The following DNAI3 variants were observed in gnomAD, a reference collection of about 807,000 sequenced individuals.
DNAI3 encodes WD repeat domain 63.
Under a neutral mutation model 115.5 loss-of-function variants are expected in DNAI3, and 83 were observed. The ratio of observed to expected loss-of-function variants is 0.72; its 90% CI spans 0.60 to 0.86. The LOEUF (loss-of-function observed/expected upper bound fraction) is 0.86. DNAI3 is among the 40% of genes least tolerant of loss of function. DNAI3 has a pLI of 0.00. For missense variants in DNAI3, 1,004 were observed against 1,075.8 expected (o/e 0.93, Z 0.93); for synonymous variants, 320 against 347.0 (o/e 0.92, Z 0.86).
Position 85,132,878 on chromosome 1 carries a change from A to T in DNAI3, c.2556A>T (p.Glu852Asp). ...KKVKTYQKSK[E>D]QMQAELKMDY... ...AGAAAACATATCAGAAGTCAAAAGAACAAATGCAGGCTGAATTAAAAATGG... is the reference window on the plus strand; with the variant it reads ...AGAAAACATATCAGAAGTCAAAAGATCAAATGCAGGCTGAATTAAAAATGG... Residue 852 changes from glutamate to aspartate, a missense_variant, in exon 23 of 23, where the codon GAA becomes GAT. Transcript: ENST00000294664. The T allele has an allele frequency of 6.2e-7, 1 of 1,613,848 alleles. No homozygotes were observed. The highest frequency in any genetic ancestry group is 8.5e-7 in the Non-Finnish European group (1 of 1,179,870).
Position 85,124,128 on chromosome 1 carries a change from G to C in DNAI3, c.1989G>C (p.Lys663Asn). Residue 663 changes from lysine to asparagine, a missense_variant, in exon 19 of 23, where the codon AAG (lysine) becomes AAC (asparagine). Physicochemically the swap from Lys to Asn is moderately conservative, Grantham distance 94. This residue lies in a region of DNAI3 where 429 missense variants were observed against 454.3 expected (regional missense o/e 0.94). Coordinates refer to ENST00000294664, the MANE Select transcript of DNAI3 (RefSeq NM_145172.5). ...DPETGRLMSK[K>N]PVSHHTIHDG... ...CTTCTTTCACTCCAATAGCAAAGAAGCCAGTGAGCCACCACACCATTCACG... is the reference window on the plus strand; with the variant it reads ...CTTCTTTCACTCCAATAGCAAAGAACCCAGTGAGCCACCACACCATTCACG... 6.2e-7 allele frequency: 1 copy of C among 1,614,110 alleles called. No homozygotes were observed. Among genetic ancestry groups the C allele is most frequent in the Non-Finnish European group, 8.5e-7 (1 of 1,180,002 alleles).
At position 85,121,749 on chromosome 1, in the gene DNAI3, A is replaced by G. The variant is rs1291707152; in HGVS notation, c.1918-2A>G. The G allele has an allele frequency of 1.9e-6, 3 of 1,613,924 alleles. No homozygotes were observed. The highest frequency in any genetic ancestry group is 2.5e-6 in the Non-Finnish European group (3 of 1,179,930). ...CTCATCAGGAACCTGTAATATTTTT[A>G]GGAAGGCGAAGTGATATACACAGAT... is the stretch of plus-strand genomic sequence containing the variant. On this transcript the variant is annotated splice_acceptor_variant, in intron 17 of 22. Transcript: ENST00000294664. LOFTEE classifies it high-confidence loss of function.
intron 7 of DNAI3, among the ~76,000 whole-genome samples, chr1:85,089,092 A>C (rs1654886633): frequency 6.6e-6 from 1 of 152,176 alleles, no homozygotes; most frequent in African/African-American, 2.4e-5. Context: ...TTGTTCAACA[A>C]ACACAAATAC....
At chr1:85,091,081 A>C (rs1455126849) in intron 8 of DNAI3, among the ~76,000 whole-genome samples, 1 of 152,208 alleles carries the variant, frequency 6.6e-6, no homozygotes, top group Non-Finnish European at 1.5e-5. Context: ...TCAGTTAATG[A>C]TTCAGAGAGA....
chr1:85,071,823 AG>A, intron 1 of DNAI3, 104 bp from the exon 2 acceptor site: 1 of 1,178,316 alleles, frequency 8.5e-7, no homozygotes, highest in Non-Finnish European at 1.2e-6. Context: ...GGTAAATCTT[AG>A]AAAACATATT....
intron 14 of DNAI3, among the ~76,000 whole-genome samples, 160 bp from the exon 15 acceptor site, chr1:85,107,873 A>G (rs1655536643): frequency 6.6e-6 from 1 of 152,226 alleles, no homozygotes; most frequent in Admixed American, 6.5e-5. Context: ...ATTCTCTAAA[A>G]TATAAAGTAC....
At chr1:85,113,339 TA>T (rs757893145) in intron 16 of DNAI3, among the ~76,000 whole-genome samples, 2 of 152,222 alleles carry the variant, frequency 1.3e-5, no homozygotes, top group Non-Finnish European at 2.9e-5. Context: ...CTAATTTTTC[TA>T]GTTTTATGGT....
At chr1:85,093,324 A>G in intron 8 of DNAI3, 134 bp from the exon 9 acceptor site, 1 of 870,934 alleles carries the variant, frequency 1.1e-6, no homozygotes, top group Non-Finnish European at 1.7e-6. Context: ...GAGGTTAATC[A>G]TTATCACCAA....
At chr1:85,079,482 G>A (rs866693063) in intron 3 of DNAI3, among the ~76,000 whole-genome samples, 3 of 152,278 alleles carry the variant, frequency 2.0e-5, no homozygotes, top group South Asian at 2.1e-4. Context: ...CAACATGAGA[G>A]GCCACATACA....
At position 85,104,541 on chromosome 1, in the gene DNAI3, CG is replaced by C. The variant is rs1655429262; in HGVS notation, c.1498del (p.Val500SerfsTer32). On this transcript the variant is annotated frameshift_variant, in exon 14 of 23. Transcript: ENST00000294664. LOFTEE classifies it high-confidence loss of function. ...AAAAATAGATTAACAGAATGGGCTCCGTCTTTGAGAATCGAAGTGGAATATG... is the reference window on the plus strand; with the variant it reads ...AAAAATAGATTAACAGAATGGGCTCCTCTTTGAGAATCGAAGTGGAATATG... ...DTFEINRMGS[V>X]FENRSGICCQ... is the part of the protein sequence containing the mutation. 2 of 1,613,452 alleles carry C rather than the reference CG, an allele frequency of 1.2e-6. No individual in the cohort carries two copies. The highest frequency in any genetic ancestry group is 2.7e-5 in the African/African-American group (2 of 74,884).
Position 85,095,942 on chromosome 1 carries a change from G to T in DNAI3, c.1185G>T (p.Glu395Asp). 1 of 1,613,810 alleles carries T rather than the reference G, an allele frequency of 6.2e-7. No individual in the cohort carries two copies. The highest frequency in any genetic ancestry group is 1.1e-5 in the South Asian group (1 of 91,064). The change falls in exon 11 of 23, where the codon GAG becomes GAT. Residue 395 changes from glutamate (E) to aspartate (D), a missense_variant. Around this residue, in one of 3 missense-constraint regions of DNAI3, gnomAD observed 550 missense variants for 568.1 expected, o/e 0.97. Transcript: ENST00000294664. ...TGGGTTTACTTTAGTTAATGCTGGA[G>T]AGCCCAGATGACATCTTCTGCTTCA... ...SDPIHPQLML[E>D]SPDDIFCFKF...
intron 17 of DNAI3, 69 bp from the exon 18 acceptor site, chr1:85,121,682 C>T (rs1199498034): frequency 1.4e-6 from 2 of 1,403,512 alleles, no homozygotes; most frequent in African/African-American, 1.4e-5. Context: ...TCAATCTTAG[C>T]ACATGAGTGT....
chr1:85,068,616 G>C (rs1571150691), intron 1 of DNAI3, among the ~76,000 whole-genome samples: 1 of 152,268 alleles, frequency 6.6e-6, no homozygotes, highest in South Asian at 2.1e-4. Context: ...TAACTTCTCA[G>C]CTCAAAACCA....
chr1:85,096,787 C>A (rs1655138135), intron 11 of DNAI3, among the ~76,000 whole-genome samples: 2 of 151,984 alleles, frequency 1.3e-5, no homozygotes, highest in African/African-American at 4.8e-5. Context: ...GTCCATTTAT[C>A]CAGAACCAAA....
In DNAI3 at chr1:85,130,040, C is replaced by T. The variant is rs567011548; in HGVS notation, c.2460C>T (p.Tyr820=). 67 of 1,613,228 alleles carry T rather than the reference C, an allele frequency of 4.2e-5. No individual in the cohort carries two copies. Among genetic ancestry groups the T allele is most frequent in the South Asian group, 9.9e-5 (9 of 90,974 alleles). The part of the protein sequence containing the change: ...YFEREVKHLE[Y]VEQRKKIREQ... ...AAAGAGAAGTCAAGCATCTGGAATA[C>T]GTAGAACAGCGCAAAAAAATTCGTG... The change falls in exon 22 of 23, where the codon TAC becomes TAT. Residue 820 remains tyrosine (Y), a synonymous_variant. Transcript: ENST00000294664.
chr1:85,099,359 G>A (rs1655219302), intron 13 of DNAI3: 4 of 807,324 alleles, frequency 5.0e-6, no homozygotes, highest in Non-Finnish European at 6.0e-6. Context: ...CAAATCATGA[G>A]TGAACTCCCA....
Position 85,103,815 on chromosome 1 carries a change from A to G in DNAI3, c.1480-709A>G, listed in dbSNP as rs184696273. 2.4e-3 allele frequency among the ~76,000 whole-genome samples: 361 copies of G among 151,520 alleles called. 9 individuals are homozygous for G. Among genetic ancestry groups the G allele is most frequent in the Admixed American group, 0.021 (314 of 15,186 alleles). ...CCCAGGAGAATCACTTGAACCTGGG[A>G]GGCTGAGGTTGCAGTGAGCTGAGAT... On this transcript the variant is annotated intron_variant, in intron 13 of 22. Coordinates refer to ENST00000294664, the MANE Select transcript of DNAI3 (RefSeq NM_145172.5).
intron 16 of DNAI3, among the ~76,000 whole-genome samples, chr1:85,113,144 T>A (rs1655707179): frequency 6.6e-6 from 1 of 152,262 alleles, no homozygotes; most frequent in Admixed American, 6.5e-5. Context: ...GGACTAGTGA[T>A]ATGTGATTTT....
At chr1:85,070,563 T>C (rs2100554054) in intron 1 of DNAI3, among the ~76,000 whole-genome samples, 1 of 152,214 alleles carries the variant, frequency 6.6e-6, no homozygotes, top group South Asian at 2.1e-4. Flanking sequence ...TATTCAATAG[T>C]ACAGTAGGAA....
Sources: allele counts gnomAD v4.1 joint callset (sites outside exome capture counted in the v4.1 genomes callset), GRCh38; gene constraint gnomAD v4.1.1; regional missense constraint gnomAD v4.1.1; transcripts MANE v1.5; gene names NCBI Gene and HGNC (gene_info 2026-07-23, HGNC 2026-07-21).